KCTD5: variants seen among roughly 807,000 people sequenced by gnomAD.
The protein encoded by KCTD5 is potassium channel tetramerization domain containing 5, also known as BTB/POZ domain-containing protein KCTD5.
Under a neutral mutation model 27.9 loss-of-function variants are expected in KCTD5, and 12 were observed. The ratio of observed to expected loss-of-function variants is 0.43; its 90% CI spans 0.28 to 0.70. KCTD5 has a LOEUF of 0.70. Among genes scored for constraint, KCTD5 ranks in the 30% least tolerant of loss-of-function variants. The probability of loss-of-function intolerance (pLI) is 0.19; values close to 1 mark genes in which losing one functional copy is unlikely to be tolerated. For synonymous variants in KCTD5, 147 were observed against 121.4 expected, an observed-to-expected ratio of 1.21 and a Z score of -1.39; for missense variants, 226 against 274.8, an observed-to-expected ratio of 0.82 and a Z score of 1.26.
At chr16:2,703,868 A>G (rs924748710) in intron 5 of KCTD5, among the ~76,000 whole-genome samples, 11 of 152,092 alleles carry the variant, frequency 7.2e-5, no homozygotes, top group Non-Finnish European at 1.6e-4. Flanking sequence ...TGAGTCTCGG[A>G]TCTAGGAGGC....
At chr16:2,707,062 G>A (rs2067640108) in intron 5 of KCTD5, among the ~76,000 whole-genome samples, 1 of 152,064 alleles carries the variant, frequency 6.6e-6, no homozygotes, top group Admixed American at 6.5e-5. Context: ...GTGGGTCTGG[G>A]AGGGGCTGCC....
In KCTD5 at chr16:2,682,541, C is replaced by G; in HGVS notation, c.-8C>G. The G allele has an allele frequency of 1.4e-6, 2 of 1,398,634 alleles. No homozygotes were observed. The highest frequency in any genetic ancestry group is 1.9e-6 in the Non-Finnish European group (2 of 1,078,680). 86.6% of individuals were successfully genotyped at this position (1,398,634 alleles called of 1,614,324 possible). The stretch of plus-strand genomic sequence containing the variant: ...TGGAAGGGAGCTGTTGCGGGGCTTG[C>G]TGGGATCATGGCGGAGAATCACTGC... On this transcript the variant is annotated 5_prime_UTR_variant, in exon 1 of 6. Coordinates refer to ENST00000301738, the MANE Select transcript of KCTD5 (RefSeq NM_018992.4).
chr16:2,706,171 C>T (rs1377049393), intron 5 of KCTD5, among the ~76,000 whole-genome samples: 3 of 152,216 alleles, frequency 2.0e-5, no homozygotes, highest in East Asian at 1.9e-4. Context: ...GGGGGGCACC[C>T]GCCTGGGAAC....
Position 2,704,941 on chromosome 16 carries a change from C to T in KCTD5, c.676-2357C>T, listed in dbSNP as rs183211848. ...TGGTGGGACAGGACCAGCCCCGGAT[C>T]GCAAGATGCAGCCGCCTCACACGTG... On this transcript the variant is annotated intron_variant, in intron 5 of 5. Transcript: ENST00000301738. Among the ~76,000 whole-genome samples, 16 of 152,300 alleles carry T rather than the reference C, an allele frequency of 1.1e-4. 1 individual carries two copies. The East Asian group carries it at 2.1e-3, about 20-fold the overall frequency.
rs145833310 is a variant in KCTD5, at chr16:2,703,237, C to T, written c.675+759C>T. 1.7e-4 allele frequency among the ~76,000 whole-genome samples: 26 copies of T among 152,264 alleles called. No homozygotes were observed. In the East Asian group the frequency reaches 4.3e-3, roughly 25 times the overall value. ...GTTGAGGCTCCAAGATGGACAAATG[C>T]GTCCATCCAAGCAGAATCTGACCTT... On this transcript the variant is annotated intron_variant, in intron 5 of 5. Transcript: ENST00000301738.
At chr16:2,706,235 C>T (rs1193565434) in intron 5 of KCTD5, among the ~76,000 whole-genome samples, 2 of 152,140 alleles carry the variant, frequency 1.3e-5, no homozygotes, top group African/African-American at 2.4e-5. Flanking sequence ...GCTCAGGGGA[C>T]GTGGCCTCCA....
chr16:2,699,428 C>T (rs1350338987), intron 3 of KCTD5: 4 of 358,942 alleles, frequency 1.1e-5, no homozygotes, highest in Non-Finnish European at 5.5e-6. Flanking sequence ...GAGCGAGCTT[C>T]GTCTGGCACT....
chr16:2,688,218 TAAATAA>T (rs1453731544), intron 1 of KCTD5, among the ~76,000 whole-genome samples: 4 of 67,566 alleles, frequency 5.9e-5, no homozygotes, highest in Admixed American at 1.9e-4. Context: ...ATTAAATAAA[TAAATAA>T]ATAAATATAT....
At chr16:2,687,086 C>T (rs1319226724) in intron 1 of KCTD5, among the ~76,000 whole-genome samples, 3 of 152,198 alleles carry the variant, frequency 2.0e-5, no homozygotes, top group Admixed American at 6.5e-5. Context: ...GCTGGGGGCT[C>T]CCCGCTCCTT....
chr16:2,707,701 C>T lies in KCTD5; in HGVS notation c.*374C>T, dbSNP rs2067643337. ...GTCTGGAAAAGCAGCCTGGGCTTCA[C>T]TGGCAGGAAGCGGCCGCAGCCGCGT... On this transcript the variant is annotated 3_prime_UTR_variant, in exon 6 of 6. Coordinates refer to ENST00000301738, the MANE Select transcript of KCTD5 (RefSeq NM_018992.4). The T allele has an allele frequency of 1.9e-6, 1 of 518,280 alleles. No homozygotes were observed. The highest frequency in any genetic ancestry group is 3.4e-6 in the Non-Finnish European group (1 of 292,042). The allele number at this position is 518,280 out of a possible 1,614,324, so 32.1% of individuals were successfully genotyped here.
At chr16:2,706,346 G>A (rs748567179) in intron 5 of KCTD5, among the ~76,000 whole-genome samples, 6 of 152,216 alleles carry the variant, frequency 3.9e-5, no homozygotes, top group Non-Finnish European at 5.9e-5. Flanking sequence ...TGTGCCCGGC[G>A]AGGGCGTGGG....
rs1430284023 is a variant in KCTD5 at position 2,707,876 on chromosome 16, G to A, written c.*549G>A. On this transcript the variant is annotated 3_prime_UTR_variant, in exon 6 of 6. Transcript: ENST00000301738. ...GGCTTCTGCGTCGTCACTGCTTCCC[G>A]GCGCCATTCCGAGGCCGGGCCTTCT... 6 of 176,460 alleles carry A rather than the reference G, an allele frequency of 3.4e-5. No individual in the cohort carries two copies. Among genetic ancestry groups the A allele is most frequent in the Non-Finnish European group, 4.7e-5 (4 of 84,446 alleles). The allele number at this position is 176,460 out of a possible 1,614,324, so 10.9% of individuals were successfully genotyped here.
intron 5 of KCTD5, among the ~76,000 whole-genome samples, chr16:2,705,644 C>T (rs906159047): frequency 1.3e-5 from 2 of 152,200 alleles, no homozygotes; most frequent in African/African-American, 4.8e-5. Flanking sequence ...CAGCCGTGTC[C>T]TGCAAGCCCC....
intron 2 of KCTD5, among the ~76,000 whole-genome samples, chr16:2,697,013 C>A (rs1397878597): frequency 2.0e-5 from 3 of 152,236 alleles, no homozygotes; most frequent in African/African-American, 7.2e-5. Context: ...CAAGGCCCTG[C>A]CGCCCAGGCT....
intron 1 of KCTD5, among the ~76,000 whole-genome samples, chr16:2,687,574 G>A (rs1452948957): frequency 6.6e-6 from 1 of 152,234 alleles, no homozygotes; most frequent in African/African-American, 2.4e-5. Flanking sequence ...GATTGTGTGT[G>A]GCCGTTTTTG....
intron 5 of KCTD5, among the ~76,000 whole-genome samples, chr16:2,704,027 T>C (rs1174883012): frequency 1.3e-5 from 2 of 152,202 alleles, no homozygotes; most frequent in Non-Finnish European, 2.9e-5. Flanking sequence ...TCCCCTGGGC[T>C]CCTATCCCTC....
chr16:2,695,564 C>CCCCTG (rs1459870564), intron 1 of KCTD5, among the ~76,000 whole-genome samples: 9 of 111,264 alleles, frequency 8.1e-5, no homozygotes, highest in African/African-American at 2.6e-4. Flanking sequence ...GAGCCCTAGG[C>CCCCTG]CCCTGCCCTG....
At chr16:2,687,723 A>T (rs2067546364) in intron 1 of KCTD5, among the ~76,000 whole-genome samples, 1 of 151,630 alleles carries the variant, frequency 6.6e-6, no homozygotes, top group Non-Finnish European at 1.5e-5. Context: ...ACTTGTAGGC[A>T]CTTTGGTTCT....
intron 1 of KCTD5, among the ~76,000 whole-genome samples, chr16:2,687,578 G>A (rs2067545382): frequency 6.6e-6 from 1 of 152,354 alleles, no homozygotes; most frequent in South Asian, 2.1e-4. Flanking sequence ...GTGTGTGGCC[G>A]TTTTTGCTCT....
Sources: allele counts gnomAD v4.1 joint callset (sites outside exome capture counted in the v4.1 genomes callset), GRCh38; gene constraint gnomAD v4.1.1; transcripts MANE v1.5; gene names NCBI Gene and HGNC (gene_info 2026-07-23, HGNC 2026-07-21).